The following ATPSCKMT variants were observed in gnomAD, a reference collection of about 807,000 sequenced individuals.
The protein encoded by ATPSCKMT is ATP synthase subunit C lysine N-methyltransferase.
ATPSCKMT carries 24 observed loss-of-function variants against 24.3 expected under a neutral mutation model. That is an observed-to-expected ratio of 0.99 (90% CI 0.71 to 1.39). The LOEUF (loss-of-function observed/expected upper bound fraction) is 1.39. Among genes scored for constraint, ATPSCKMT ranks in the 40% most tolerant of loss-of-function variants. The pLI is 0.00. For missense variants in ATPSCKMT, 311 were observed against 298.4 expected (o/e 1.04, Z -0.31); for synonymous variants, 95 against 110.5 (o/e 0.86, Z 0.88).
At position 10,227,174 on chromosome 5, in the gene ATPSCKMT, C is replaced by T; in HGVS notation, c.*267G>A. 1 of 453,680 alleles carries T rather than the reference C, an allele frequency of 2.2e-6. No individual in the cohort carries two copies. Among genetic ancestry groups the T allele is most frequent in the Non-Finnish European group, 4.0e-6 (1 of 248,170 alleles). The allele number at this position is 453,680 out of a possible 1,614,324, so 28.1% of individuals were successfully genotyped here. ...GCTATTGGCATCTTATTTTCCTACC[C>T]ATAACCATGACCATCACTTATTCAT... On this transcript the variant is annotated 3_prime_UTR_variant, in exon 5 of 5. Coordinates refer to ENST00000511437, the MANE Select transcript of ATPSCKMT (RefSeq NM_199133.4).
chr5:10,248,939 G>C (rs992495997), intron 1 of ATPSCKMT, among the ~76,000 whole-genome samples: 2 of 152,102 alleles, frequency 1.3e-5, no homozygotes, highest in Non-Finnish European at 2.9e-5. Context: ...GGACAGCTGC[G>C]GTTGCCAAGA....
chr5:10,237,022 A>C, intron 2 of ATPSCKMT: 1 of 1,295,324 alleles, frequency 7.7e-7, no homozygotes, highest in South Asian at 1.2e-5. Context: ...AACAAGTAAT[A>C]ATATGCAATA....
intron 2 of ATPSCKMT, chr5:10,237,108 GA>G: frequency 9.7e-7 from 1 of 1,030,954 alleles, no homozygotes. Flanking sequence ...ACTCAAAACT[GA>G]AAACAGGTAA....
intron 4 of ATPSCKMT, among the ~76,000 whole-genome samples, chr5:10,233,764 A>G (rs1166529886): frequency 2.6e-5 from 4 of 152,170 alleles, no homozygotes; most frequent in Non-Finnish European, 4.4e-5. Context: ...CTAACATTCT[A>G]TTTTTATAAA....
chr5:10,243,884 T>C (rs921662218), intron 1 of ATPSCKMT, among the ~76,000 whole-genome samples: 5 of 152,260 alleles, frequency 3.3e-5, no homozygotes, highest in African/African-American at 1.2e-4. Context: ...CAACTTTCTC[T>C]TTGCATTCAC....
chr5:10,235,793 C>T (rs968764128), intron 3 of ATPSCKMT, among the ~76,000 whole-genome samples: 16 of 152,284 alleles, frequency 1.1e-4, no homozygotes, highest in African/African-American at 3.9e-4. Flanking sequence ...GGGAAATGTG[C>T]TTTGCCAGTT....
At chr5:10,229,406 G>A (rs1561025022) in intron 4 of ATPSCKMT, among the ~76,000 whole-genome samples, 1 of 152,192 alleles carries the variant, frequency 6.6e-6, no homozygotes, top group African/African-American at 2.4e-5. Flanking sequence ...CCCCACCTGT[G>A]AAGCTGTGAA....
intron 4 of ATPSCKMT, 64 bp from the exon 5 acceptor site, chr5:10,227,711 C>CCT (rs3080459): frequency 0.66 from 993,040 of 1,511,130 alleles, 332,481 homozygotes; most frequent in East Asian, 0.87. Context: ...CCCAAAATTT[C>CCT]CTGTTTTTAA....
At chr5:10,239,414 G>A in intron 1 of ATPSCKMT, 58 bp from the exon 2 acceptor site, 1 of 1,462,868 alleles carries the variant, frequency 6.8e-7, no homozygotes, top group Non-Finnish European at 9.3e-7. Flanking sequence ...ATCCAAGAGA[G>A]CATTTTTTTC....
chr5:10,231,130 G>A lies in ATPSCKMT; in HGVS notation c.496-3483C>T, dbSNP rs576016808. 9.2e-5 allele frequency among the ~76,000 whole-genome samples: 14 copies of A among 152,104 alleles called. No individual in the cohort carries two copies. In the East Asian group the frequency reaches 9.7e-4, roughly 11 times the overall value. ...CTCCAAGCGTGTGGCAGGATGGCCC[G>A]GTGGTCTAAGGTGCTAGACACAAGC... On this transcript the variant is annotated intron_variant, in intron 4 of 4. Transcript: ENST00000511437.
At chr5:10,241,677 T>C (rs1173974586) in intron 1 of ATPSCKMT, among the ~76,000 whole-genome samples, 1 of 152,210 alleles carries the variant, frequency 6.6e-6, no homozygotes, top group Non-Finnish European at 1.5e-5. Context: ...TGGCATTTGA[T>C]AGAAAGCAAA....
chr5:10,236,856 C>T (rs995044774), intron 2 of ATPSCKMT: 8 of 1,459,516 alleles, frequency 5.5e-6, no homozygotes, highest in Non-Finnish European at 6.4e-6. Flanking sequence ...TCAGAATAGA[C>T]ATTCAGGTTC....
At chr5:10,244,224 C>CA (rs1435355663) in intron 1 of ATPSCKMT, among the ~76,000 whole-genome samples, 1 of 152,100 alleles carries the variant, frequency 6.6e-6, no homozygotes, top group Admixed American at 6.5e-5. Context: ...ATAGAAACAT[C>CA]AAAAATCCCT....
chr5:10,248,627 T>C (rs3852164), intron 1 of ATPSCKMT: 17,179 of 152,290 alleles, frequency 0.11, 1,612 homozygotes, highest in African/African-American at 0.26. Context: ...TAGCGCACTG[T>C]AAACTGAACT....
chr5:10,235,143 G>C (rs1744315261), intron 4 of ATPSCKMT, 68 bp downstream of exon 4: 1 of 1,416,756 alleles, frequency 7.1e-7, no homozygotes, highest in African/African-American at 1.4e-5. Context: ...GTGAGTGGTG[G>C]TGTTGTGGCT....
chr5:10,248,909 G>C (rs1745110508), intron 1 of ATPSCKMT, among the ~76,000 whole-genome samples: 1 of 152,136 alleles, frequency 6.6e-6, no homozygotes, highest in Non-Finnish European at 1.5e-5. Context: ...CGGGGAGGAA[G>C]GCAGCATAAG....
chr5:10,228,718 C>T (rs1031434837), intron 4 of ATPSCKMT, among the ~76,000 whole-genome samples: 4 of 151,602 alleles, frequency 2.6e-5, no homozygotes, highest in African/African-American at 7.3e-5. Flanking sequence ...CAAGATTTAT[C>T]GCCCAGGCTG....
rs78267199 is a variant in ATPSCKMT, at chr5:10,235,019, G to A, written c.495+192C>T. Among the ~76,000 whole-genome samples the A allele has an allele frequency of 7.7e-3, 1,166 of 152,354 alleles. 12 individuals are homozygous for A. The highest frequency in any genetic ancestry group is 0.013 in the Non-Finnish European group (905 of 68,028). On this transcript the variant is annotated intron_variant, in intron 4 of 4. Transcript: ENST00000511437. ...TTTAATCTGAAGCCAAAGTTTAAAA[G>A]TATGACTGAATCTTTTATGATTAAA... is the stretch of plus-strand genomic sequence containing the variant.
At chr5:10,227,729 T>A in intron 4 of ATPSCKMT, 82 bp from the exon 5 acceptor site, 1 of 1,302,214 alleles carries the variant, frequency 7.7e-7, no homozygotes, top group Non-Finnish European at 1.1e-6. Flanking sequence ...TAAGAGTCCC[T>A]GAAAATACCT....
Sources: allele counts gnomAD v4.1 joint callset (sites outside exome capture counted in the v4.1 genomes callset), GRCh38; gene constraint gnomAD v4.1.1; transcripts MANE v1.5; gene names NCBI Gene and HGNC (gene_info 2026-07-23, HGNC 2026-07-21).